The following LIPC variants were observed in gnomAD, a reference collection of about 807,000 sequenced individuals.
LIPC encodes lipase C, hepatic type.
Under a neutral mutation model 50.7 loss-of-function variants are expected in LIPC, and 44 were observed. That is an observed-to-expected ratio of 0.87 (90% CI 0.68 to 1.11). The LOEUF is 1.11. Ranked by LOEUF, LIPC falls within the 50% of genes most tolerant of loss-of-function variation. LIPC has a pLI of 0.00. For missense variants in LIPC, 697 were observed against 648.2 expected, an observed-to-expected ratio of 1.08 and a Z score of -0.82; for synonymous variants, 271 against 256.4, an observed-to-expected ratio of 1.06 and a Z score of -0.54.
intron 6 of LIPC, among the ~76,000 whole-genome samples, chr15:58,551,851 G>C (rs1280608320): frequency 1.3e-5 from 2 of 152,180 alleles, no homozygotes; most frequent in African/African-American, 4.8e-5. Flanking sequence ...GACTAACTTG[G>C]CCTGAATTCC....
chr15:58,505,360 T>C (rs1464196662), intron 1 of LIPC, among the ~76,000 whole-genome samples: 1 of 152,204 alleles, frequency 6.6e-6, no homozygotes, highest in East Asian at 1.9e-4. Context: ...AAAAGTGGGA[T>C]AATAAAAGAT....
intron 1 of LIPC, among the ~76,000 whole-genome samples, chr15:58,482,757 G>A (rs1222516184): frequency 2.0e-5 from 3 of 152,154 alleles, no homozygotes; most frequent in African/African-American, 4.8e-5. Context: ...AACTTCTACA[G>A]CAAGCAAAAA....
chr15:58,468,064 G>A (rs750812719), intron 1 of LIPC, among the ~76,000 whole-genome samples: 3 of 152,094 alleles, frequency 2.0e-5, no homozygotes, highest in South Asian at 4.1e-4. Context: ...TAAAATGCTC[G>A]GTACATGATA....
Position 58,496,431 on chromosome 15 carries a change from T to C in LIPC, c.89-41902T>C, listed in dbSNP as rs571211935. Among the ~76,000 whole-genome samples the C allele has an allele frequency of 3.3e-5, 5 of 152,154 alleles. No homozygotes were observed. The South Asian group carries it at 1.0e-3, about 32-fold the overall frequency. On this transcript the variant is annotated intron_variant, in intron 1 of 8. Transcript: ENST00000299022. ...TTGTCTTATTCATCCTTGGCTCCAGTGCTCAGAGAAGTGCCTGGCACGTAA... is the reference window on the plus strand; with the variant it reads ...TTGTCTTATTCATCCTTGGCTCCAGCGCTCAGAGAAGTGCCTGGCACGTAA...
intron 1 of LIPC, among the ~76,000 whole-genome samples, chr15:58,502,696 T>C (rs1411857271): frequency 2.6e-5 from 4 of 152,114 alleles, no homozygotes; most frequent in African/African-American, 9.7e-5. Context: ...GGGGAATATG[T>C]TCCCAAATTA....
intron 1 of LIPC, among the ~76,000 whole-genome samples, chr15:58,511,112 A>G (rs570602795): frequency 6.6e-6 from 1 of 152,366 alleles, no homozygotes; most frequent in African/African-American, 2.4e-5. Flanking sequence ...ACTAGAATCC[A>G]GGGCTCCTGA....
intron 1 of LIPC, among the ~76,000 whole-genome samples, chr15:58,513,196 AT>A (rs1461476801): frequency 6.6e-6 from 1 of 152,194 alleles, no homozygotes; most frequent in African/African-American, 2.4e-5. Context: ...TTTCTCTAAT[AT>A]TCCACATCCC....
chr15:58,488,603 C>G (rs71478670), intron 1 of LIPC, among the ~76,000 whole-genome samples: 7 of 152,182 alleles, frequency 4.6e-5, no homozygotes, highest in Non-Finnish European at 8.8e-5. Context: ...CCTCTCTGAA[C>G]TGCCCCATTT....
In LIPC at chr15:58,568,840, A is replaced by G. The variant is rs1021199521; in HGVS notation, c.*13A>G. On this transcript the variant is annotated 3_prime_UTR_variant, in exon 9 of 9. Coordinates refer to ENST00000299022, the MANE Select transcript of LIPC (RefSeq NM_000236.3). ...AAAGATCAGATGAGATTTAATGAAG[A>G]CCCAGTGTAAAGAATAAATGAATCT... is the stretch of plus-strand genomic sequence containing the variant. The G allele has an allele frequency of 6.8e-7, 1 of 1,467,452 alleles. No individual in the cohort carries two copies. 90.9% of individuals were successfully genotyped at this position (1,467,452 alleles called of 1,614,324 possible). A position where few individuals can be genotyped will look rare whatever the true frequency, so the allele number is the denominator to read the frequency against.
At chr15:58,452,909 C>T (rs1394757595) in intron 1 of LIPC, among the ~76,000 whole-genome samples, 1 of 152,224 alleles carries the variant, frequency 6.6e-6, no homozygotes, top group African/African-American at 2.4e-5. Flanking sequence ...CCATCTGCTG[C>T]TGGTGGCCTT....
At chr15:58,517,114 T>C in intron 1 of LIPC, among the ~76,000 whole-genome samples, 1 of 152,242 alleles carries the variant, frequency 6.6e-6, no homozygotes, top group Non-Finnish European at 1.5e-5. Flanking sequence ...GATGACAAAA[T>C]ATCCATGTCC....
chr15:58,567,566 A>G (rs1308795294), intron 8 of LIPC, among the ~76,000 whole-genome samples: 1 of 151,860 alleles, frequency 6.6e-6, no homozygotes, highest in East Asian at 1.9e-4. Flanking sequence ...TTGCAGTACT[A>G]TTAAATAAAT....
At chr15:58,500,967 C>G (rs73422667) in intron 1 of LIPC, among the ~76,000 whole-genome samples, 4,271 of 152,038 alleles carry the variant, frequency 0.028, 196 homozygotes, top group African/African-American at 0.097. Context: ...TGCATTGCTC[C>G]CATTAGTGAC....
intron 5 of LIPC, among the ~76,000 whole-genome samples, chr15:58,546,230 C>G (rs1595940161): frequency 6.6e-6 from 1 of 152,340 alleles, no homozygotes; most frequent in South Asian, 2.1e-4. Context: ...ACAGGAACCT[C>G]CACTTCTCAC....
intron 1 of LIPC, among the ~76,000 whole-genome samples, chr15:58,471,392 C>G (rs554483626): frequency 2.0e-5 from 3 of 151,366 alleles, no homozygotes; most frequent in African/African-American, 7.3e-5. Flanking sequence ...AAATGATCCA[C>G]CAGCCTTGGC....
intron 1 of LIPC, among the ~76,000 whole-genome samples, chr15:58,500,782 A>T (rs1163021609): frequency 8.5e-6 from 1 of 117,856 alleles, no homozygotes; most frequent in Non-Finnish European, 1.6e-5. Flanking sequence ...ATCCTTTTTG[A>T]CACTTTTAGA....
intron 1 of LIPC, among the ~76,000 whole-genome samples, chr15:58,489,499 T>C (rs1292130145): frequency 6.6e-6 from 1 of 152,032 alleles, no homozygotes; most frequent in Non-Finnish European, 1.5e-5. Context: ...GATGAAATCA[T>C]AGGGTTATGG....
At chr15:58,443,749 G>T (rs990891077) in intron 1 of LIPC, among the ~76,000 whole-genome samples, 2 of 152,360 alleles carry the variant, frequency 1.3e-5, no homozygotes, top group South Asian at 4.1e-4. Context: ...CCTGGGTGCA[G>T]GCGGGCTGAG....
chr15:58,478,937 G>A (rs568485641), intron 1 of LIPC, among the ~76,000 whole-genome samples: 65 of 152,332 alleles, frequency 4.3e-4, no homozygotes, highest in African/African-American at 1.5e-3. Context: ...AACACATTAA[G>A]CACCAACCGT....
Sources: allele counts gnomAD v4.1 joint callset (sites outside exome capture counted in the v4.1 genomes callset), GRCh38; gene constraint gnomAD v4.1.1; transcripts MANE v1.5; gene names NCBI Gene and HGNC (gene_info 2026-07-23, HGNC 2026-07-21).